Variants in CSNK1G1 observed in about 807,000 individuals in gnomAD.
CSNK1G1 encodes the protein casein kinase I isoform gamma-1.
A neutral mutation model predicts 59.6 loss-of-function variants in CSNK1G1; 22 were observed. The ratio of observed to expected loss-of-function variants is 0.37; its 90% CI spans 0.26 to 0.53. CSNK1G1 has a LOEUF of 0.53. Among genes scored for constraint, CSNK1G1 ranks in the 20% least tolerant of loss-of-function variants. The probability of loss-of-function intolerance (pLI) is 0.89; values close to 1 mark genes in which losing one functional copy is unlikely to be tolerated. For missense variants in CSNK1G1, 384 were observed against 519.5 expected (o/e 0.74, Z 2.54); for synonymous variants, 179 against 177.1 (o/e 1.01, Z -0.08).
At chr15:64,204,311 C>A (rs2082148667) in intron 9 of CSNK1G1, 130 bp downstream of exon 9, 1 of 715,136 alleles carries the variant, frequency 1.4e-6, no homozygotes, top group Non-Finnish European at 2.1e-6. Flanking sequence ...AGTAAATATA[C>A]AGTCTACGAT....
intron 1 of CSNK1G1, among the ~76,000 whole-genome samples, chr15:64,302,745 A>C (rs1895430870): frequency 6.6e-6 from 1 of 152,214 alleles, no homozygotes; most frequent in Non-Finnish European, 1.5e-5. Flanking sequence ...AGTTAATATG[A>C]GGACAGAGGC....
chr15:64,277,707 A>G lies in CSNK1G1; in HGVS notation c.182-18466T>C, dbSNP rs1476814452. Among the ~76,000 whole-genome samples, 44 of 131,708 alleles carry G rather than the reference A, an allele frequency of 3.3e-4. No homozygotes were observed. The East Asian group carries it at 7.1e-3, about 21-fold the overall frequency. The allele number at this position is 131,708 out of a possible 152,430, so 86.4% of individuals were successfully genotyped here. A position where few individuals can be genotyped will look rare whatever the true frequency, so the allele number is the denominator to read the frequency against. ...GCAATATTGATATATTTAATAATAT[A>G]TTAATATTGATATATTTAATAATAT... On this transcript the variant is annotated intron_variant, in intron 2 of 11. Transcript: ENST00000303052.
chr15:64,339,274 G>A (rs773998627), intron 1 of CSNK1G1, among the ~76,000 whole-genome samples: 4 of 152,162 alleles, frequency 2.6e-5, no homozygotes, highest in Non-Finnish European at 5.9e-5. Flanking sequence ...AATTCAGGGG[G>A]TGAGGACCAG....
chr15:64,309,781 T>C (rs1003861167), intron 1 of CSNK1G1, among the ~76,000 whole-genome samples: 3 of 152,160 alleles, frequency 2.0e-5, no homozygotes, highest in Non-Finnish European at 4.4e-5. Context: ...TTAAATGGCG[T>C]GAGAGAACAT....
At chr15:64,175,495 A>T (rs1466109255) in intron 11 of CSNK1G1, among the ~76,000 whole-genome samples, 1 of 152,164 alleles carries the variant, frequency 6.6e-6, no homozygotes, top group Non-Finnish European at 1.5e-5. Flanking sequence ...GTCTTGTAGC[A>T]AGAATGTTCC....
At chr15:64,348,573 A>G (rs2140489127) in intron 1 of CSNK1G1, among the ~76,000 whole-genome samples, 1 of 152,342 alleles carries the variant, frequency 6.6e-6, no homozygotes, top group East Asian at 1.9e-4. Flanking sequence ...AGTGCAAACA[A>G]AATTAAGAGA....
At chr15:64,205,765 G>A (rs746720649) in intron 7 of CSNK1G1, among the ~76,000 whole-genome samples, 1 of 152,174 alleles carries the variant, frequency 6.6e-6, no homozygotes, top group African/African-American at 2.4e-5. Context: ...GACCAAGTTT[G>A]ACATGAAACT....
Position 64,207,493 on chromosome 15 carries a change from AC to A in CSNK1G1, c.765+15del. The A allele has an allele frequency of 1.9e-6, 3 of 1,582,364 alleles. No homozygotes were observed. The highest frequency in any genetic ancestry group is 2.6e-6 in the Non-Finnish European group (3 of 1,151,268). On this transcript the variant is annotated intron_variant, in intron 7 of 11. Transcript: ENST00000303052. Reference sequence around the variant, plus strand: ...GCATTGAAACAAAGCCCTCCACTGAACACTTTCAAGGATACCTTGAGTCCTT... The same window carrying A: ...GCATTGAAACAAAGCCCTCCACTGAAACTTTCAAGGATACCTTGAGTCCTT...
chr15:64,290,627 C>T (rs79517584), intron 2 of CSNK1G1, among the ~76,000 whole-genome samples: 7,249 of 152,078 alleles, frequency 0.048, 180 homozygotes, highest in South Asian at 0.079. Context: ...GGATACAATG[C>T]ATATTATTCA....
intron 3 of CSNK1G1, among the ~76,000 whole-genome samples, chr15:64,254,290 A>T (rs1412752741): frequency 6.6e-6 from 1 of 151,934 alleles, no homozygotes; most frequent in East Asian, 1.9e-4. Flanking sequence ...AAGATGAAAA[A>T]GTTCTGGAGA....
At chr15:64,351,463 C>T (rs1443069562) in intron 1 of CSNK1G1, among the ~76,000 whole-genome samples, 4 of 152,208 alleles carry the variant, frequency 2.6e-5, no homozygotes, top group African/African-American at 4.8e-5. Flanking sequence ...ATCCTTGGAA[C>T]GGCCACAGAC....
chr15:64,258,142 C>T (rs1386262627), intron 3 of CSNK1G1, among the ~76,000 whole-genome samples: 1 of 152,060 alleles, frequency 6.6e-6, no homozygotes, highest in African/African-American at 2.4e-5. Context: ...CAATGCCAGG[C>T]GTGGTGGCTC....
intron 3 of CSNK1G1, among the ~76,000 whole-genome samples, chr15:64,258,969 G>C (rs1214794818): frequency 6.6e-6 from 1 of 151,810 alleles, no homozygotes; most frequent in African/African-American, 2.4e-5. Flanking sequence ...ACTAATTTTT[G>C]AGTCATCATT....
At chr15:64,254,242 G>A (rs553742685) in intron 3 of CSNK1G1, among the ~76,000 whole-genome samples, 79 of 152,196 alleles carry the variant, frequency 5.2e-4, no homozygotes, top group Non-Finnish European at 1.0e-3. Context: ...GGGAGAATGA[G>A]GAGTTAGTGT....
At chr15:64,203,694 TAAAA>T (rs531367701) in intron 9 of CSNK1G1, among the ~76,000 whole-genome samples, 8 of 56,176 alleles carry the variant, frequency 1.4e-4, no homozygotes, top group Non-Finnish European at 2.3e-4. Context: ...TGAAACTCCG[TAAAA>T]AAAAAAAAAA....
chr15:64,211,010 C>A (rs2082243179), intron 6 of CSNK1G1, among the ~76,000 whole-genome samples: 1 of 152,170 alleles, frequency 6.6e-6, no homozygotes, highest in African/African-American at 2.4e-5. Flanking sequence ...CATGAGGCCC[C>A]TGAGGCCCTC....
chr15:64,229,773 TCTC>T lies in CSNK1G1; in HGVS notation c.293-13063_293-13061del, dbSNP rs560529015. On this transcript the variant is annotated intron_variant, in intron 4 of 11. Transcript: ENST00000303052. ...TTCTCAGTTCTGTGAGCCAAGAAAT[TCTC>T]CTCTCCCTCTCTCAAGTGAGCTTGA... is the stretch of plus-strand genomic sequence containing the variant. Among the ~76,000 whole-genome samples the T allele has an allele frequency of 2.5e-3, 381 of 151,760 alleles. 7 individuals are homozygous for T. Among genetic ancestry groups the T allele is most frequent in the Non-Finnish European group, 2.7e-3 (186 of 67,910 alleles).
chr15:64,211,945 C>T (rs1050693814), intron 6 of CSNK1G1, among the ~76,000 whole-genome samples: 8 of 152,200 alleles, frequency 5.3e-5, no homozygotes, highest in Non-Finnish European at 1.0e-4. Context: ...GTCAGTTAAA[C>T]CACATAATCT....
intron 11 of CSNK1G1, among the ~76,000 whole-genome samples, chr15:64,173,482 A>G (rs985754513): frequency 8.5e-5 from 13 of 152,220 alleles, no homozygotes; most frequent in Non-Finnish European, 1.6e-4. Flanking sequence ...GCAAAGTGTC[A>G]TATGTATTTG....
Sources: allele counts gnomAD v4.1 joint callset (sites outside exome capture counted in the v4.1 genomes callset), GRCh38; gene constraint gnomAD v4.1.1; transcripts MANE v1.5; gene names NCBI Gene and HGNC (gene_info 2026-07-23, HGNC 2026-07-21).